PDE8B: variants seen among roughly 807,000 people sequenced by gnomAD.
PDE8B encodes high affinity cAMP-specific and IBMX-insensitive 3',5'-cyclic phosphodiesterase 8B.
Under a neutral mutation model 101.3 loss-of-function variants are expected in PDE8B, and 26 were observed. That is an observed-to-expected ratio of 0.26 (90% confidence interval 0.19 to 0.36). The LOEUF is 0.36. Ranked by LOEUF, PDE8B falls within the 10% of genes least tolerant of loss-of-function variation. The probability of loss-of-function intolerance (pLI) is 1.00; values close to 1 mark genes in which losing one functional copy is unlikely to be tolerated. For synonymous variants in PDE8B, 424 were observed against 429.3 expected (o/e 0.99, Z 0.15); for missense variants, 810 against 1,163.1 (o/e 0.70, Z 4.42).
At chr5:77,311,887 T>A in intron 1 of PDE8B, 107 bp from the exon 2 acceptor site, 1 of 898,152 alleles carries the variant, frequency 1.1e-6, no homozygotes, top group South Asian at 1.3e-5. Flanking sequence ...GCTGGATTCT[T>A]CAATTTAGTG....
chr5:77,407,328 T>G lies in PDE8B; in HGVS notation c.1289-53T>G, dbSNP rs573671621. On this transcript the variant is annotated intron_variant, in intron 12 of 21. Coordinates refer to ENST00000264917, the MANE Select transcript of PDE8B (RefSeq NM_003719.5). ...CCATGAAGGGACTCCTTTGCTGCAC[T>G]TAGCCACACTGAGCCACCGGAACTG... 17 of 1,400,078 alleles carry G rather than the reference T, an allele frequency of 1.2e-5. No individual in the cohort carries two copies. The East Asian group carries it at 3.6e-4, about 30-fold the overall frequency. The allele number at this position is 1,400,078 out of a possible 1,614,324, so 86.7% of individuals were successfully genotyped here.
At chr5:77,182,500 C>A in the PDE8B span, among the ~76,000 whole-genome samples, 2 of 152,106 alleles carry the variant, frequency 1.3e-5, no homozygotes, top group Non-Finnish European at 2.9e-5. Context: ...CCAGCCACAA[C>A]CTCCCTGTTA....
chr5:77,423,714 ACTGCAACCCTCACCTC>A (rs1242927537), intron 20 of PDE8B, among the ~76,000 whole-genome samples: 2 of 130,338 alleles, frequency 1.5e-5, no homozygotes, highest in African/African-American at 5.9e-5. Context: ...ACCTCAGCTC[ACTGCAACCCTCACCTC>A]CCAGGCTTGA....
intron 2 of PDE8B, among the ~76,000 whole-genome samples, chr5:77,316,198 G>T: frequency 6.6e-6 from 1 of 151,682 alleles, no homozygotes. Context: ...TCTAATATAG[G>T]TATACTTCTG....
At chr5:77,142,990 T>A in the PDE8B span, among the ~76,000 whole-genome samples, 1 of 152,072 alleles carries the variant, frequency 6.6e-6, no homozygotes, top group Non-Finnish European at 1.5e-5. Context: ...TATTGAGGCA[T>A]GGAGAGTTGG....
intron 16 of PDE8B, among the ~76,000 whole-genome samples, chr5:77,412,801 A>G (rs1197147516): frequency 6.6e-6 from 1 of 152,062 alleles, no homozygotes; most frequent in Non-Finnish European, 1.5e-5. Flanking sequence ...GTGCAAGGTT[A>G]ATGTGGAAGT....
chr5:77,258,002 AG>A (rs1759554049), intron 1 of PDE8B, among the ~76,000 whole-genome samples: 7 of 152,148 alleles, frequency 4.6e-5, no homozygotes, highest in Admixed American at 4.6e-4. Flanking sequence ...AGAGGAACCC[AG>A]AGCAGCCGGG....
chr5:77,264,998 G>A (rs766566916), intron 1 of PDE8B, among the ~76,000 whole-genome samples: 1 of 152,070 alleles, frequency 6.6e-6, no homozygotes, highest in Non-Finnish European at 1.5e-5. Flanking sequence ...CTTGTGCAGG[G>A]TACTAGATGT....
chr5:77,311,506 A>G (rs548185076), intron 1 of PDE8B, among the ~76,000 whole-genome samples: 2 of 152,362 alleles, frequency 1.3e-5, no homozygotes, highest in Admixed American at 1.3e-4. Context: ...TGAAGATAAG[A>G]AAACCAAGAT....
At chr5:77,295,552 C>T (rs1768330555) in intron 1 of PDE8B, among the ~76,000 whole-genome samples, 1 of 152,088 alleles carries the variant, frequency 6.6e-6, no homozygotes, top group Non-Finnish European at 1.5e-5. Context: ...ATTTCATATC[C>T]CTCCTTTTAA....
At chr5:77,130,146 G>A in the PDE8B span, among the ~76,000 whole-genome samples, 60,939 of 151,944 alleles carry the variant, frequency 0.4, 13,654 homozygotes, top group East Asian at 0.79. Flanking sequence ...GGAGTGGGGC[G>A]GGGGTGAGGG....
At chr5:77,306,371 A>G (rs898670849) in intron 1 of PDE8B, among the ~76,000 whole-genome samples, 6 of 152,188 alleles carry the variant, frequency 3.9e-5, no homozygotes, top group African/African-American at 9.6e-5. Context: ...TGGGGATAAA[A>G]TTGTGAAAAA....
chr5:77,143,301 A>C, the PDE8B span, among the ~76,000 whole-genome samples: 2 of 152,238 alleles, frequency 1.3e-5, no homozygotes, highest in African/African-American at 4.8e-5. Context: ...TGCTAGGCTC[A>C]GAGTCCAAAT....
intron 1 of PDE8B, among the ~76,000 whole-genome samples, chr5:77,238,629 T>A (rs754008571): frequency 2.0e-5 from 3 of 152,190 alleles, no homozygotes; most frequent in Non-Finnish European, 4.4e-5. Flanking sequence ...CAGAAAGTGG[T>A]TTATTACAAG....
At chr5:77,298,934 T>C (rs944618416) in intron 1 of PDE8B, among the ~76,000 whole-genome samples, 1 of 152,232 alleles carries the variant, frequency 6.6e-6, no homozygotes, top group Admixed American at 6.5e-5. Flanking sequence ...CATGTGAACT[T>C]TGCATTATAC....
At chr5:77,171,772 A>G in the PDE8B span, among the ~76,000 whole-genome samples, 1 of 152,148 alleles carries the variant, frequency 6.6e-6, no homozygotes, top group East Asian at 1.9e-4. Context: ...GAAGCCAACA[A>G]TGGAACTTGG....
intron 19 of PDE8B, 116 bp downstream of exon 19, chr5:77,420,003 T>C: frequency 2.4e-6 from 3 of 1,225,234 alleles, no homozygotes; most frequent in Non-Finnish European, 3.6e-6. Flanking sequence ...TTACTTGGAG[T>C]TGATAAAGGG....
At chr5:77,412,061 A>G (rs764291925) in intron 15 of PDE8B, 39 bp from the exon 16 acceptor site, 8 of 1,612,748 alleles carry the variant, frequency 5.0e-6, no homozygotes, top group Non-Finnish European at 5.9e-6. Flanking sequence ...TCAAGATTCC[A>G]CAATTAACCA....
At chr5:77,221,226 G>A (rs1751034319) in intron 1 of PDE8B, among the ~76,000 whole-genome samples, 1 of 152,080 alleles carries the variant, frequency 6.6e-6, no homozygotes. Flanking sequence ...CATTGCAGTA[G>A]GTTGCTATGC....
Sources: gnomAD v4.1 joint callset for allele counts (sites outside exome capture counted in the v4.1 genomes callset) on GRCh38, gnomAD v4.1.1 for gene constraint, MANE v1.5 for transcripts, NCBI Gene and HGNC (gene_info 2026-07-23, HGNC 2026-07-21) for gene names.